SV2C: variants seen among roughly 807,000 people sequenced by gnomAD.
SV2C encodes the protein solute carrier family 22 member B3.
A neutral mutation model predicts 79.7 loss-of-function variants in SV2C; 49 were observed. The observed-to-expected ratio is 0.61, with a 90% CI of 0.49 to 0.78. The LOEUF (loss-of-function observed/expected upper bound fraction) is 0.78. Among genes scored for constraint, SV2C ranks in the 30% least tolerant of loss-of-function variants. The pLI is 0.00. For synonymous variants in SV2C, 334 were observed against 333.2 expected (o/e 1.00, Z -0.03); for missense variants, 833 against 912.9 (o/e 0.91, Z 1.13).
chr5:75,998,781 C>G, the SV2C span, among the ~76,000 whole-genome samples: 1 of 151,834 alleles, frequency 6.6e-6, no homozygotes, highest in Non-Finnish European at 1.5e-5. Context: ...TGAGCCAATT[C>G]CTCATAATAA....
intron 2 of SV2C, among the ~76,000 whole-genome samples, chr5:76,178,447 G>T (rs1004623667): frequency 6.6e-6 from 1 of 151,926 alleles, no homozygotes; most frequent in Non-Finnish European, 1.5e-5. Context: ...TATAGCAGTG[G>T]CTCCCAGTCT....
the SV2C span, among the ~76,000 whole-genome samples, chr5:76,073,506 T>TGTGC: frequency 1.3e-3 from 59 of 44,620 alleles, no homozygotes; most frequent in African/African-American, 7.1e-3. Flanking sequence ...TGTGTGTGTA[T>TGTGC]ATATATATAT....
chr5:76,113,321 C>T lies in SV2C; in HGVS notation c.-101-18329C>T, dbSNP rs953050743. The stretch of plus-strand genomic sequence containing the variant: ...GGGTGGCCCCAGTAAACGGAAGATA[C>T]GTTGCTGGCAAGGGCTGTACCTTTA... On this transcript the variant is annotated intron_variant, in intron 1 of 12. Coordinates refer to ENST00000502798, the MANE Select transcript of SV2C (RefSeq NM_014979.4). Among the ~76,000 whole-genome samples the T allele has an allele frequency of 5.3e-5, 8 of 152,236 alleles. No individual in the cohort carries two copies. In the East Asian group the frequency reaches 1.3e-3, roughly 26 times the overall value.
At chr5:76,116,914 C>T (rs888453404) in intron 1 of SV2C, among the ~76,000 whole-genome samples, 2 of 152,156 alleles carry the variant, frequency 1.3e-5, no homozygotes, top group East Asian at 3.9e-4. Flanking sequence ...ACTCTGGGTG[C>T]GCTTGCCAGT....
At chr5:75,898,772 C>G in the SV2C span, among the ~76,000 whole-genome samples, 1 of 152,134 alleles carries the variant, frequency 6.6e-6, no homozygotes, top group African/African-American at 2.4e-5. Flanking sequence ...TTCAGAGATT[C>G]AACTTCCTCC....
At chr5:76,095,036 A>G (rs1007985521) in intron 1 of SV2C, among the ~76,000 whole-genome samples, 6 of 151,916 alleles carry the variant, frequency 3.9e-5, no homozygotes, top group African/African-American at 1.2e-4. Flanking sequence ...CCAAGGTTAT[A>G]TAGATTTCTT....
chr5:75,896,272 T>A, the SV2C span, among the ~76,000 whole-genome samples: 2 of 147,726 alleles, frequency 1.4e-5, no homozygotes, highest in East Asian at 4.2e-4. Flanking sequence ...GTCCATATGT[T>A]CTCATTGTTC....
At chr5:75,957,848 C>T in the SV2C span, among the ~76,000 whole-genome samples, 2 of 151,932 alleles carry the variant, frequency 1.3e-5, no homozygotes, top group Non-Finnish European at 2.9e-5. Context: ...AATCACTGTA[C>T]CTTGCACTTC....
the SV2C span, among the ~76,000 whole-genome samples, chr5:75,868,294 C>T: frequency 6.6e-6 from 1 of 152,128 alleles, no homozygotes; most frequent in Non-Finnish European, 1.5e-5. Flanking sequence ...CCCATGTATA[C>T]AAAACTCTTT....
At chr5:75,902,181 C>G in the SV2C span, among the ~76,000 whole-genome samples, 98 of 152,298 alleles carry the variant, frequency 6.4e-4, no homozygotes, top group African/African-American at 2.3e-3. Context: ...TCTTCTTTGT[C>G]GCTCACGCTG....
chr5:75,865,170 C>T, the SV2C span, among the ~76,000 whole-genome samples: 1 of 152,204 alleles, frequency 6.6e-6, no homozygotes, highest in African/African-American at 2.4e-5. Context: ...GACCACATAC[C>T]TGGAATTGCC....
the SV2C span, among the ~76,000 whole-genome samples, chr5:75,851,606 C>T: frequency 4.0e-5 from 6 of 151,584 alleles, no homozygotes; most frequent in African/African-American, 1.2e-4. Flanking sequence ...CATAAGTGAG[C>T]AGTATGCTGT....
intron 11 of SV2C, 128 bp from the exon 12 acceptor site, chr5:76,301,258 C>A: frequency 7.8e-7 from 1 of 1,274,636 alleles, no homozygotes; most frequent in Non-Finnish European, 1.1e-6. Flanking sequence ...AGTTCTTGAG[C>A]TTTATGGAGC....
chr5:76,205,753 T>C lies in SV2C; in HGVS notation c.762-3983T>C, dbSNP rs187986935. The stretch of plus-strand genomic sequence containing the variant: ...ATAAAACCAATTATATTTTCCACAT[T>C]AGCCCCCCACTGCAAAACTTTCCCA... On this transcript the variant is annotated intron_variant, in intron 3 of 12. Coordinates refer to ENST00000502798, the MANE Select transcript of SV2C (RefSeq NM_014979.4). Among the ~76,000 whole-genome samples, 7 of 151,122 alleles carry C rather than the reference T, an allele frequency of 4.6e-5. No homozygotes were observed. The East Asian group carries it at 1.3e-3, about 29-fold the overall frequency.
downstream of SV2C, among the ~76,000 whole-genome samples, chr5:76,338,398 T>A (rs549370264): frequency 1.3e-5 from 2 of 152,236 alleles, no homozygotes; most frequent in Non-Finnish European, 2.9e-5. Context: ...CCCTTTGGAC[T>A]GAGATTTCCA....
the SV2C span, among the ~76,000 whole-genome samples, chr5:75,888,880 G>A: frequency 6.6e-6 from 1 of 151,890 alleles, no homozygotes; most frequent in African/African-American, 2.4e-5. Context: ...TCACAGACTG[G>A]GTGGCTTAAA....
intron 12 of SV2C, among the ~76,000 whole-genome samples, chr5:76,317,650 T>C (rs753595918): frequency 3.3e-5 from 5 of 152,016 alleles, no homozygotes; most frequent in Admixed American, 1.3e-4. Flanking sequence ...GGAAACATAG[T>C]GGGTACCCCA....
the SV2C span, among the ~76,000 whole-genome samples, chr5:75,945,492 T>TA: frequency 2.0e-5 from 3 of 151,462 alleles, no homozygotes; most frequent in Admixed American, 6.6e-5. Context: ...TTATTATTAT[T>TA]TTTTTTGGTA....
the SV2C span, among the ~76,000 whole-genome samples, chr5:76,068,221 A>G: frequency 6.6e-6 from 1 of 152,166 alleles, no homozygotes; most frequent in Non-Finnish European, 1.5e-5. Flanking sequence ...CTGAGAATGT[A>G]TTTCCTTATA....
Sources: allele counts gnomAD v4.1 joint callset (sites outside exome capture counted in the v4.1 genomes callset), GRCh38; gene constraint gnomAD v4.1.1; transcripts MANE v1.5; gene names NCBI Gene and HGNC (gene_info 2026-07-23, HGNC 2026-07-21).